CSMD1: variants seen among roughly 807,000 people sequenced by gnomAD.
The protein encoded by CSMD1 is CUB and Sushi multiple domains 1.
Under a neutral mutation model 417.5 loss-of-function variants are expected in CSMD1, and 213 were observed. The observed-to-expected ratio is 0.51, with a 90% CI of 0.46 to 0.57. The LOEUF (loss-of-function observed/expected upper bound fraction) is 0.57. Ranked by LOEUF, CSMD1 falls within the 20% of genes least tolerant of loss-of-function variation. The probability of loss-of-function intolerance (pLI) is 0.00; values close to 1 mark genes in which losing one functional copy is unlikely to be tolerated. For synonymous variants in CSMD1, 2,862 were observed against 1,736.8 expected (o/e 1.65, Z -16.11); for missense variants, 6,923 against 4,529.7 (o/e 1.53, Z -15.17).
At chr8:3,161,218 G>C (rs1251711844) in intron 38 of CSMD1, among the ~76,000 whole-genome samples, 1 of 152,042 alleles carries the variant, frequency 6.6e-6, no homozygotes, top group Admixed American at 6.6e-5. Flanking sequence ...TCTGAGAGTA[G>C]GCTTACTCAT....
At chr8:4,120,323 A>G (rs1001134943) in intron 3 of CSMD1, among the ~76,000 whole-genome samples, 18 of 152,166 alleles carry the variant, frequency 1.2e-4, no homozygotes, top group African/African-American at 4.3e-4. Context: ...AATTTTATTG[A>G]TTACTTAGCT....
intron 2 of CSMD1, among the ~76,000 whole-genome samples, chr8:4,578,192 G>A (rs755025155): frequency 7.2e-5 from 11 of 151,922 alleles, no homozygotes; most frequent in South Asian, 6.2e-4. Flanking sequence ...AGGAAGTCTC[G>A]CTCTGTTGCC....
intron 3 of CSMD1, among the ~76,000 whole-genome samples, chr8:4,146,084 T>A (rs570899204): frequency 6.6e-6 from 1 of 151,020 alleles, no homozygotes; most frequent in Non-Finnish European, 1.5e-5. Context: ...ATTGCATGTA[T>A]CTGCCTCCCA....
At chr8:3,037,636 C>G (rs75221073) in intron 50 of CSMD1, among the ~76,000 whole-genome samples, 3 of 152,000 alleles carry the variant, frequency 2.0e-5, no homozygotes, top group Non-Finnish European at 2.9e-5. Context: ...CTGGAGCGGA[C>G]GGTAAGAGGA....
At chr8:4,403,004 T>G (rs189636905) in intron 3 of CSMD1, among the ~76,000 whole-genome samples, 1 of 151,824 alleles carries the variant, frequency 6.6e-6, no homozygotes, top group East Asian at 2.0e-4. Flanking sequence ...TTGTTGTTGT[T>G]GTTTTTTTAG....
At chr8:4,750,171 A>G (rs1419214167) in intron 1 of CSMD1, among the ~76,000 whole-genome samples, 1 of 151,744 alleles carries the variant, frequency 6.6e-6, no homozygotes, top group African/African-American at 2.4e-5. Context: ...ACGCCCGGCT[A>G]ATTTTTTTTG....
intron 18 of CSMD1, among the ~76,000 whole-genome samples, chr8:3,381,819 C>A (rs542639609): frequency 6.6e-6 from 1 of 152,210 alleles, no homozygotes; most frequent in Non-Finnish European, 1.5e-5. Context: ...TCTGAAGAGG[C>A]GAGCATGAGA....
At chr8:4,752,820 T>C (rs1308390057) in intron 1 of CSMD1, among the ~76,000 whole-genome samples, 1 of 152,054 alleles carries the variant, frequency 6.6e-6, no homozygotes, top group Non-Finnish European at 1.5e-5. Context: ...GAAAGAAGGA[T>C]GGAGGCAAAG....
At chr8:3,508,425 G>C (rs1297245049) in intron 10 of CSMD1, among the ~76,000 whole-genome samples, 1 of 151,844 alleles carries the variant, frequency 6.6e-6, no homozygotes, top group African/African-American at 2.4e-5. Context: ...GTTAATGGGT[G>C]CAGCACACCA....
At chr8:2,979,846 G>C (rs1364616333) in intron 54 of CSMD1, among the ~76,000 whole-genome samples, 1 of 152,172 alleles carries the variant, frequency 6.6e-6, no homozygotes, top group Non-Finnish European at 1.5e-5. Context: ...CAAACAAAAA[G>C]CCATGTGTGA....
chr8:4,991,105 A>G (rs549527622), intron 1 of CSMD1, among the ~76,000 whole-genome samples: 28 of 152,304 alleles, frequency 1.8e-4, no homozygotes, highest in African/African-American at 6.7e-4. Context: ...ATGGCTGCAC[A>G]TATGCAAGAA....
chr8:3,595,145 A>G (rs1368967605), intron 8 of CSMD1, among the ~76,000 whole-genome samples: 2 of 152,180 alleles, frequency 1.3e-5, no homozygotes, highest in Admixed American at 6.5e-5. Flanking sequence ...GAACTTGGAC[A>G]ATTCACCGGA....
At chr8:4,122,431 A>G (rs1347220403) in intron 3 of CSMD1, among the ~76,000 whole-genome samples, 9 of 152,210 alleles carry the variant, frequency 5.9e-5, no homozygotes, top group Non-Finnish European at 1.3e-4. Context: ...CAAACCTCTG[A>G]CGCAGTTAGC....
intron 1 of CSMD1, among the ~76,000 whole-genome samples, chr8:4,786,389 G>C (rs1408069269): frequency 6.6e-6 from 1 of 152,100 alleles, no homozygotes; most frequent in Non-Finnish European, 1.5e-5. Flanking sequence ...AACATGCATC[G>C]GTCAAGTAAA....
At chr8:4,206,913 A>G (rs1228901972) in intron 3 of CSMD1, among the ~76,000 whole-genome samples, 1 of 152,206 alleles carries the variant, frequency 6.6e-6, no homozygotes, top group East Asian at 1.9e-4. Flanking sequence ...TATAATTTAG[A>G]GTTGGGCAAA....
intron 5 of CSMD1, among the ~76,000 whole-genome samples, chr8:3,939,206 A>C (rs1585001157): frequency 6.6e-6 from 1 of 152,294 alleles, no homozygotes; most frequent in East Asian, 1.9e-4. Context: ...CCAACACAAA[A>C]GTAATTCATC....
chr8:3,354,052 T>G (rs893601500), intron 21 of CSMD1, among the ~76,000 whole-genome samples: 2 of 152,192 alleles, frequency 1.3e-5, no homozygotes, highest in Non-Finnish European at 2.9e-5. Flanking sequence ...TCCATAGCAT[T>G]AACCAAAATG....
At chr8:3,022,369 G>A (rs974036899) in intron 51 of CSMD1, among the ~76,000 whole-genome samples, 1 of 151,922 alleles carries the variant, frequency 6.6e-6, no homozygotes, top group African/African-American at 2.4e-5. Flanking sequence ...ACAGCATCCG[G>A]AATGCACCCG....
chr8:4,457,278 A>T (rs76283580), intron 2 of CSMD1, among the ~76,000 whole-genome samples: 6 of 152,212 alleles, frequency 3.9e-5, no homozygotes, highest in Admixed American at 2.6e-4. Context: ...TTACTTACAT[A>T]TATCATTTGA....
Sources: gnomAD v4.1 joint callset for allele counts (sites outside exome capture counted in the v4.1 genomes callset) on GRCh38, gnomAD v4.1.1 for gene constraint, MANE v1.5 for transcripts, NCBI Gene and HGNC (gene_info 2026-07-23, HGNC 2026-07-21) for gene names.